Variants in WDR27 observed in about 807,000 individuals in gnomAD.
The protein encoded by WDR27 is WD repeat-containing protein 27.
WDR27 carries 100 observed loss-of-function variants against 114.4 expected under a neutral mutation model. That is an observed-to-expected ratio of 0.87 (90% CI 0.74 to 1.03). The LOEUF is 1.03. WDR27 is among the 50% of genes least tolerant of loss of function. WDR27 has a pLI of 0.00. For synonymous variants in WDR27, 449 were observed against 423.1 expected (o/e 1.06, Z -0.75); for missense variants, 1,129 against 1,092.9 (o/e 1.03, Z -0.47).
chr6:169,587,419 A>G (rs1449926541), intron 23 of WDR27, among the ~76,000 whole-genome samples: 1 of 151,968 alleles, frequency 6.6e-6, no homozygotes, highest in African/African-American at 2.4e-5. Flanking sequence ...GGGTTTCACC[A>G]TGTTAGCCAG....
chr6:169,519,751 A>G (rs1241908162), intron 25 of WDR27, among the ~76,000 whole-genome samples: 2 of 152,140 alleles, frequency 1.3e-5, no homozygotes, highest in Non-Finnish European at 2.9e-5. Flanking sequence ...ACACACCAAT[A>G]TTATCCCCAT....
At chr6:169,552,495 A>G (rs1798287893) in intron 25 of WDR27, among the ~76,000 whole-genome samples, 2 of 152,194 alleles carry the variant, frequency 1.3e-5, no homozygotes, top group African/African-American at 4.8e-5. Flanking sequence ...ACCCTGCAGT[A>G]GCTCCCTCAT....
the WDR27 span, among the ~76,000 whole-genome samples, chr6:169,443,750 G>T: frequency 6.6e-6 from 1 of 152,268 alleles, no homozygotes; most frequent in African/African-American, 2.4e-5. Flanking sequence ...CATGAAGGTG[G>T]TTCCTAGCAG....
At chr6:169,566,581 G>A (rs1028122367) in intron 25 of WDR27, among the ~76,000 whole-genome samples, 13 of 152,194 alleles carry the variant, frequency 8.5e-5, no homozygotes, top group African/African-American at 2.7e-4. Context: ...TTATTAAGAT[G>A]GGCATGTACT....
In WDR27 at chr6:169,462,935, C is replaced by G. The variant is rs187796093; in HGVS notation, c.2646-5301G>C. The stretch of plus-strand genomic sequence containing the variant: ...ACATTTTCATAATTTAAAAAACCCC[C>G]AACAAACTAAGAATAGAAGGAAGTT... On this transcript the variant is annotated intron_variant, in intron 25 of 25. Transcript: ENST00000448612. 3.9e-3 allele frequency among the ~76,000 whole-genome samples: 586 copies of G among 152,206 alleles called. 2 individuals carry two copies. Among genetic ancestry groups the G allele is most frequent in the Admixed American group, 8.5e-3 (130 of 15,292 alleles).
chr6:169,583,750 C>A (rs1804023885), intron 23 of WDR27, among the ~76,000 whole-genome samples: 2 of 151,640 alleles, frequency 1.3e-5, no homozygotes, highest in South Asian at 4.2e-4. Context: ...ATTCCTTTTT[C>A]CCGCAAAAAC....
At chr6:169,586,710 G>A (rs1404455510) in intron 23 of WDR27, among the ~76,000 whole-genome samples, 9 of 151,948 alleles carry the variant, frequency 5.9e-5, no homozygotes, top group Admixed American at 3.9e-4. Flanking sequence ...TTAGCTGGGC[G>A]TGGTGGCACG....
chr6:169,557,211 T>A (rs1799027022), intron 25 of WDR27, among the ~76,000 whole-genome samples: 1 of 152,064 alleles, frequency 6.6e-6, no homozygotes, highest in African/African-American at 2.4e-5. Context: ...CTCGGTGATA[T>A]AAAGGAAGGA....
In WDR27 at chr6:169,659,022, T is replaced by A; in HGVS notation, c.1319+64A>T. 6.8e-7 allele frequency: 1 copy of A among 1,473,446 alleles called. No homozygotes were observed. The highest frequency in any genetic ancestry group is 9.0e-7 in the Non-Finnish European group (1 of 1,114,094). The allele number at this position is 1,473,446 out of a possible 1,614,324, so 91.3% of individuals were successfully genotyped here. A position where few individuals can be genotyped will look rare whatever the true frequency, so the allele number is the denominator to read the frequency against. ...GTTTTCTAATCTTTATTTCTGAACA[T>A]AGAAATCCAGATGGCACTTATTGGT... On this transcript the variant is annotated intron_variant, in intron 12 of 25. Transcript: ENST00000448612. This position sits in a 1 kb window ranked among gnomAD's most constrained non-coding sequence, Gnocchi z 4.3.
chr6:169,683,180 TATA>T (rs1181576715), intron 2 of WDR27, among the ~76,000 whole-genome samples: 1 of 152,196 alleles, frequency 6.6e-6, no homozygotes, highest in Non-Finnish European at 1.5e-5. Flanking sequence ...AACCTGGAGA[TATA>T]AATATCTACG....
At chr6:169,698,389 C>G (rs1371640507) in intron 1 of WDR27, among the ~76,000 whole-genome samples, 1 of 152,112 alleles carries the variant, frequency 6.6e-6, no homozygotes, top group Non-Finnish European at 1.5e-5. Context: ...CAGGCAGAAA[C>G]ATCGTCAGGG....
the WDR27 span, among the ~76,000 whole-genome samples, chr6:169,445,702 C>T: frequency 3.9e-5 from 6 of 152,280 alleles, no homozygotes; most frequent in Admixed American, 6.5e-5. Context: ...CCTCTGGGCC[C>T]GCCCTGCTTC....
chr6:169,586,826 C>T (rs536275397), intron 23 of WDR27, among the ~76,000 whole-genome samples: 71 of 109,526 alleles, frequency 6.5e-4, no homozygotes, highest in South Asian at 1.9e-3. Context: ...TCCAGCCTGG[C>T]GACACAGCTA....
At chr6:169,535,065 G>T (rs1487506647) in intron 25 of WDR27, among the ~76,000 whole-genome samples, 1 of 151,998 alleles carries the variant, frequency 6.6e-6, no homozygotes, top group Non-Finnish European at 1.5e-5. Flanking sequence ...TGCAAAAACA[G>T]CACCAATCCA....
the WDR27 span, among the ~76,000 whole-genome samples, chr6:169,444,527 C>T: frequency 2.6e-5 from 4 of 152,180 alleles, no homozygotes; most frequent in African/African-American, 9.7e-5. Flanking sequence ...TGGCCAGAGC[C>T]GGCAGGGGCC....
intron 23 of WDR27, among the ~76,000 whole-genome samples, chr6:169,583,502 TATGTATATATACACACAC>T (rs1383448895): frequency 1.0e-4 from 7 of 67,418 alleles, no homozygotes; most frequent in African/African-American, 1.7e-4. Context: ...TATATATATA[TATGTATATATACACACAC>T]ACACACACAC....
chr6:169,652,218 C>A (rs1822777327), intron 13 of WDR27, among the ~76,000 whole-genome samples: 1 of 152,138 alleles, frequency 6.6e-6, no homozygotes, highest in South Asian at 2.1e-4. Flanking sequence ...AAGAAAATAG[C>A]CCAAGTTGGT....
chr6:169,601,650 G>A (rs537007608), intron 23 of WDR27, among the ~76,000 whole-genome samples: 50 of 152,188 alleles, frequency 3.3e-4, no homozygotes, highest in Non-Finnish European at 3.1e-4. Context: ...TTCTTGGGGC[G>A]AATGGGAAAA....
At chr6:169,510,951 TAAAC>T (rs1205265217) in intron 25 of WDR27, among the ~76,000 whole-genome samples, 1 of 152,130 alleles carries the variant, frequency 6.6e-6, no homozygotes, top group Non-Finnish European at 1.5e-5. Flanking sequence ...TTTCCTGAGG[TAAAC>T]TAATTTTGGT....
Sources: allele counts gnomAD v4.1 joint callset (sites outside exome capture counted in the v4.1 genomes callset), GRCh38; gene constraint gnomAD v4.1.1; non-coding constraint Gnocchi (gnomAD v3.1); transcripts MANE v1.5; gene names NCBI Gene and HGNC (gene_info 2026-07-23, HGNC 2026-07-21).